Variants in NRXN3 observed in about 807,000 individuals in gnomAD.
The protein encoded by NRXN3 is neurexin III.
NRXN3 carries 32 observed loss-of-function variants against 137.6 expected under a neutral mutation model. That is an observed-to-expected ratio of 0.23 (90% confidence interval 0.18 to 0.31). The LOEUF (loss-of-function observed/expected upper bound fraction) is 0.31, where lower values mean the gene tolerates loss of function less well. NRXN3 is among the 10% of genes least tolerant of loss of function. NRXN3 has a pLI of 1.00. For missense variants in NRXN3, 1,574 were observed against 2,062.5 expected (o/e 0.76, Z 4.59); for synonymous variants, 798 against 784.5 (o/e 1.02, Z -0.29).
intron 8 of NRXN3, among the ~76,000 whole-genome samples, chr14:78,730,297 C>T (rs770613225): frequency 6.6e-6 from 1 of 152,146 alleles, no homozygotes; most frequent in African/African-American, 2.4e-5. Context: ...AAGAGCACTT[C>T]GTGGATGATA....
Position 78,243,030 on chromosome 14 carries a change from A to G in NRXN3, c.-64A>G. 8.2e-7 allele frequency: 1 copy of G among 1,213,690 alleles called. No homozygotes were observed. Among genetic ancestry groups the G allele is most frequent in the Middle Eastern group, 1.9e-4 (1 of 5,152 alleles). The allele number at this position is 1,213,690 out of a possible 1,614,324, so 75.2% of individuals were successfully genotyped here. On this transcript the variant is annotated 5_prime_UTR_variant, in exon 2 of 21. Coordinates refer to ENST00000335750, the MANE Select transcript of NRXN3 (RefSeq NM_001330195.2). This position sits in a 1 kb window ranked among gnomAD's most constrained non-coding sequence, Gnocchi z 4.2. ...CTTTCCCACTTCTATTGCCAAAGGG[A>G]GAGATCCTCTCCGGGCTGTTCCCTG... is the stretch of plus-strand genomic sequence containing the variant.
intron 17 of NRXN3, among the ~76,000 whole-genome samples, chr14:79,669,738 T>G (rs2098595756): frequency 6.6e-6 from 1 of 152,042 alleles, no homozygotes; most frequent in Admixed American, 6.6e-5. Flanking sequence ...ATCAGCAGCA[T>G]CAGCTTCCCC....
chr14:79,561,262 T>C (rs2097493788), intron 16 of NRXN3, among the ~76,000 whole-genome samples: 1 of 151,788 alleles, frequency 6.6e-6, no homozygotes, highest in Non-Finnish European at 1.5e-5. Flanking sequence ...AAAATGAGAG[T>C]ACAAGGGAAA....
intron 15 of NRXN3, among the ~76,000 whole-genome samples, chr14:79,122,408 G>A (rs1168954950): frequency 6.6e-6 from 1 of 152,178 alleles, no homozygotes; most frequent in Admixed American, 6.5e-5. Context: ...TGTACACATA[G>A]TGGGAGAATT....
At chr14:79,407,464 G>C (rs758334348) in intron 15 of NRXN3, among the ~76,000 whole-genome samples, 6 of 152,068 alleles carry the variant, frequency 3.9e-5, no homozygotes, top group Non-Finnish European at 7.4e-5. Context: ...TGATTAAAAA[G>C]AATAATAACA....
chr14:78,399,883 A>C (rs958818049), intron 4 of NRXN3, among the ~76,000 whole-genome samples: 6 of 152,328 alleles, frequency 3.9e-5, no homozygotes, highest in Admixed American at 3.3e-4. Context: ...GCAAGGCAGC[A>C]GAGAGGCCCC....
chr14:78,210,683 AC>A (rs2062657643), intron 1 of NRXN3, among the ~76,000 whole-genome samples: 1 of 151,032 alleles, frequency 6.6e-6, no homozygotes, highest in Admixed American at 6.6e-5. Flanking sequence ...TGCTGTCCCC[AC>A]CCCTGGCCCC....
chr14:79,745,737 G>A (rs760441448), intron 19 of NRXN3, among the ~76,000 whole-genome samples: 1 of 151,840 alleles, frequency 6.6e-6, no homozygotes, highest in Non-Finnish European at 1.5e-5. Context: ...AAAACAAGGT[G>A]TCAGCAGAGC....
chr14:79,021,646 A>C (rs995889632), intron 15 of NRXN3, among the ~76,000 whole-genome samples: 9 of 152,166 alleles, frequency 5.9e-5, no homozygotes, highest in Non-Finnish European at 1.5e-5. Context: ...GATTGAATGT[A>C]ATAAGTACCA....
intron 17 of NRXN3, among the ~76,000 whole-genome samples, chr14:79,685,250 G>A (rs570702736): frequency 6.9e-4 from 105 of 152,120 alleles, no homozygotes; most frequent in African/African-American, 2.0e-3. Flanking sequence ...AATTCTCACC[G>A]CAATCCCATG....
intron 15 of NRXN3, among the ~76,000 whole-genome samples, chr14:79,070,316 A>G (rs1321529890): frequency 6.6e-6 from 1 of 152,202 alleles, no homozygotes; most frequent in African/African-American, 2.4e-5. Context: ...CCATTCCCCC[A>G]AAGGAAGGAA....
At chr14:79,441,662 G>A (rs866341724) in intron 15 of NRXN3, among the ~76,000 whole-genome samples, 4 of 151,868 alleles carry the variant, frequency 2.6e-5, no homozygotes, top group Non-Finnish European at 5.9e-5. Flanking sequence ...TTACAGGCGT[G>A]AGCCACCACA....
intron 4 of NRXN3, among the ~76,000 whole-genome samples, chr14:78,434,194 C>T (rs1274560033): frequency 2.0e-5 from 3 of 152,110 alleles, no homozygotes; most frequent in African/African-American, 4.8e-5. Flanking sequence ...CTACTGAATG[C>T]GTAACACTTT....
At position 79,247,726 on chromosome 14, in the gene NRXN3, T is replaced by C. The variant is rs185473894; in HGVS notation, c.3263-219495T>C. Among the ~76,000 whole-genome samples, 97 of 152,290 alleles carry C rather than the reference T, an allele frequency of 6.4e-4. 1 individual carries two copies. Among genetic ancestry groups the C allele is most frequent in the African/African-American group, 2.1e-3 (89 of 41,572 alleles). ...ATACATACACATTATGTATGTAATT[T>C]ATGAAGTTTTGTTTATATGAGAAAG... On this transcript the variant is annotated intron_variant, in intron 15 of 20. Coordinates refer to ENST00000335750, the MANE Select transcript of NRXN3 (RefSeq NM_001330195.2).
In NRXN3 at chr14:79,640,266, C is replaced by T. The variant is rs1009708110; in HGVS notation, c.3445-23512C>T. On this transcript the variant is annotated intron_variant, in intron 16 of 20. Transcript: ENST00000335750. ...AACATTCTGCAGATTGTTAGGATTG[C>T]TTGTATGTGGTTTTAAATGAATGAA... 1.5e-5 allele frequency among the ~76,000 whole-genome samples: 2 copies of T among 135,092 alleles called. 1 individual carries two copies. The highest frequency in any genetic ancestry group is 3.4e-5 in the Non-Finnish European group (2 of 58,168). 88.6% of individuals were successfully genotyped at this position (135,092 alleles called of 152,430 possible). A position where few individuals can be genotyped will look rare whatever the true frequency, so the allele number is the denominator to read the frequency against.
chr14:79,034,557 G>A (rs1030830473), intron 15 of NRXN3, among the ~76,000 whole-genome samples: 1 of 152,136 alleles, frequency 6.6e-6, no homozygotes, highest in Non-Finnish European at 1.5e-5. Context: ...GGATGGGAGA[G>A]TCAAATGAGA....
chr14:78,939,866 C>T (rs1056873016), intron 10 of NRXN3, among the ~76,000 whole-genome samples: 3 of 152,210 alleles, frequency 2.0e-5, no homozygotes, highest in Non-Finnish European at 4.4e-5. Flanking sequence ...CTCTATGTCT[C>T]ACAGCTCTCA....
chr14:79,010,309 G>A (rs961474815), intron 15 of NRXN3, among the ~76,000 whole-genome samples: 1 of 152,014 alleles, frequency 6.6e-6, no homozygotes, highest in African/African-American at 2.4e-5. Flanking sequence ...GTTAGCTCAG[G>A]GGTGGGTTTT....
chr14:79,403,595 T>G (rs557989270), intron 15 of NRXN3, among the ~76,000 whole-genome samples: 7 of 152,296 alleles, frequency 4.6e-5, no homozygotes, highest in East Asian at 1.9e-4. Context: ...CATTTTTGCA[T>G]GGAGGGAGTG....
Sources: gnomAD v4.1 joint callset for allele counts (sites outside exome capture counted in the v4.1 genomes callset) on GRCh38, gnomAD v4.1.1 for gene constraint, Gnocchi (gnomAD v3.1) non-coding constraint, MANE v1.5 for transcripts, NCBI Gene and HGNC (gene_info 2026-07-23, HGNC 2026-07-21) for gene names.